PRDM11: variants seen among roughly 807,000 people sequenced by gnomAD.
The protein encoded by PRDM11 is PR/SET domain 11.
A neutral mutation model predicts 97.8 loss-of-function variants in PRDM11; 20 were observed. That is an observed-to-expected ratio of 0.20 (90% confidence interval 0.14 to 0.30). PRDM11 has a LOEUF of 0.30. Among genes scored for constraint, PRDM11 ranks in the 10% least tolerant of loss-of-function variants. PRDM11 has a pLI of 1.00. For missense variants in PRDM11, 1,139 were observed against 1,555.2 expected (o/e 0.73, Z 4.50); for synonymous variants, 599 against 637.7 (o/e 0.94, Z 0.91).
Position 45,219,749 on chromosome 11 carries a change from T to C in PRDM11, c.734T>C (p.Leu245Pro), listed in dbSNP as rs1463559602. 5 of 1,613,182 alleles carry C rather than the reference T, an allele frequency of 3.1e-6. No homozygotes were observed. Among genetic ancestry groups the C allele is most frequent in the Non-Finnish European group, 3.4e-6 (4 of 1,179,718 alleles). Residue 245 changes from leucine to proline, a missense_variant, in exon 6 of 8, where the codon CTG (leucine) becomes CCG (proline). Transcript: ENST00000683152. The surrounding 1 kb of genome is among the most constrained non-coding windows in gnomAD (Gnocchi z 4.2). ...SMSQETIHRN[L>P]ARGEKRLQRE... ...TCCCAGGAAACCATTCACCGCAACCTGGCCAGAGGTGAGTGCCATGCTCCA... is the reference window on the plus strand; with the variant it reads ...TCCCAGGAAACCATTCACCGCAACCCGGCCAGAGGTGAGTGCCATGCTCCA...
intron 1 of PRDM11, among the ~76,000 whole-genome samples, chr11:45,158,245 G>T (rs1437687199): frequency 6.6e-6 from 1 of 152,154 alleles, no homozygotes; most frequent in East Asian, 1.9e-4. Flanking sequence ...AGGTGTGCCT[G>T]GGCCTGCATG....
intron 1 of PRDM11, among the ~76,000 whole-genome samples, chr11:45,109,376 C>T (rs2135601954): frequency 6.6e-6 from 1 of 152,322 alleles, no homozygotes; most frequent in South Asian, 2.1e-4. Context: ...ATCACTCACT[C>T]TCCTTGACCC....
chr11:45,191,649 A>G (rs1338683763), intron 4 of PRDM11, among the ~76,000 whole-genome samples: 1 of 151,858 alleles, frequency 6.6e-6, no homozygotes, highest in Non-Finnish European at 1.5e-5. Flanking sequence ...TTATTTTAGC[A>G]CTTTTTCCTT....
intron 1 of PRDM11, among the ~76,000 whole-genome samples, chr11:45,110,059 A>G (rs2065149143): frequency 6.6e-6 from 1 of 152,078 alleles, no homozygotes; most frequent in Non-Finnish European, 1.5e-5. Flanking sequence ...AAACTCAGTG[A>G]CCCAAAGTGA....
At chr11:45,209,796 C>G (rs1853653798) in intron 5 of PRDM11, among the ~76,000 whole-genome samples, 1 of 152,088 alleles carries the variant, frequency 6.6e-6, no homozygotes, top group Non-Finnish European at 1.5e-5. Flanking sequence ...TGCATTTGAC[C>G]CTGCAGGTTA....
At chr11:45,182,398 C>G (rs1391312553) in intron 3 of PRDM11, 49 bp downstream of exon 3, 1 of 1,521,998 alleles carries the variant, frequency 6.6e-7, no homozygotes, top group Non-Finnish European at 9.1e-7. Flanking sequence ...ACCCCCATCG[C>G]CCCATTCCTG....
At chr11:45,099,041 G>A (rs1394846682) in intron 1 of PRDM11, among the ~76,000 whole-genome samples, 1 of 152,172 alleles carries the variant, frequency 6.6e-6, no homozygotes, top group Non-Finnish European at 1.5e-5. Context: ...CAGGAGGGAT[G>A]TCTAGCCAGA....
chr11:45,227,926 A>C lies in PRDM11; in HGVS notation c.3301A>C (p.Asn1101His). The C allele has an allele frequency of 2.6e-6, 4 of 1,533,822 alleles. No individual in the cohort carries two copies. The highest frequency in any genetic ancestry group is 3.5e-6 in the Non-Finnish European group (4 of 1,146,694). Residue 1101 changes from asparagine to histidine, a missense_variant, in exon 8 of 8, where the codon AAC becomes CAC. Physicochemically the swap from Asn to His is moderately conservative, Grantham distance 68. This residue lies in a region of PRDM11 where 710 missense variants were observed against 1,044.9 expected (regional missense o/e 0.68). Coordinates refer to ENST00000683152, the MANE Select transcript of PRDM11 (RefSeq NM_001384648.1). This position sits in a 1 kb window ranked among gnomAD's most constrained non-coding sequence, Gnocchi z 8.0. ...GRNALQRVRK[N>H]HRSRLTLEQL... Reference sequence around the variant, plus strand: ...CAATGCCCTCCAGCGAGTTCGCAAAAACCACCGCTCCCGCCTGACCCTGGA... The same window carrying C: ...CAATGCCCTCCAGCGAGTTCGCAAACACCACCGCTCCCGCCTGACCCTGGA...
chr11:45,118,868 A>T (rs570270273), intron 1 of PRDM11, among the ~76,000 whole-genome samples: 2 of 152,332 alleles, frequency 1.3e-5, no homozygotes, highest in East Asian at 3.9e-4. Flanking sequence ...TTAGGAAAGA[A>T]GAAAAAATGC....
intron 1 of PRDM11, among the ~76,000 whole-genome samples, chr11:45,122,497 C>T (rs867958749): frequency 6.9e-6 from 1 of 144,658 alleles, no homozygotes; most frequent in Non-Finnish European, 1.5e-5. Context: ...CCCCTCCCTC[C>T]ACCCCACAAC....
At chr11:45,159,143 C>T (rs1286148112) in intron 1 of PRDM11, among the ~76,000 whole-genome samples, 1 of 152,228 alleles carries the variant, frequency 6.6e-6, no homozygotes, top group Non-Finnish European at 1.5e-5. Context: ...CCCTGCCCTC[C>T]CTGAGCACCC....
intron 6 of PRDM11, among the ~76,000 whole-genome samples, chr11:45,220,530 C>T (rs1457785464): frequency 6.6e-6 from 1 of 152,210 alleles, no homozygotes. Context: ...CAAATGAATA[C>T]AGTGATTCAT....
chr11:45,218,006 G>A (rs1316865775), intron 5 of PRDM11, among the ~76,000 whole-genome samples: 2 of 152,150 alleles, frequency 1.3e-5, no homozygotes, highest in African/African-American at 2.4e-5. Context: ...TGGAACCATA[G>A]TCTACTTCCA....
chr11:45,207,093 C>T (rs921791171), intron 5 of PRDM11, among the ~76,000 whole-genome samples: 1 of 152,224 alleles, frequency 6.6e-6, no homozygotes, highest in African/African-American at 2.4e-5. Flanking sequence ...CTTATGACCA[C>T]TCAAAGAGCA....
At chr11:45,200,948 G>T (rs1158279302) in intron 4 of PRDM11, among the ~76,000 whole-genome samples, 1 of 152,174 alleles carries the variant, frequency 6.6e-6, no homozygotes, top group African/African-American at 2.4e-5. Context: ...CTATGCTCAT[G>T]TAAACATGCA....
Position 45,226,491 on chromosome 11 carries a change from G to A in PRDM11, c.1866G>A (p.Lys622=). ...LAELLRKCEL[K]VVDQYMNEGD... is the part of the protein sequence containing the mutation. The stretch of plus-strand genomic sequence containing the variant: ...AGCTGCTGAGGAAGTGTGAGCTCAA[G>A]GTGGTGGACCAGTACATGAATGAGG... Residue 622 remains lysine, a synonymous_variant, in exon 8 of 8, where the codon AAG becomes AAA. Coordinates refer to ENST00000683152, the MANE Select transcript of PRDM11 (RefSeq NM_001384648.1). 1 of 1,533,998 alleles carries A rather than the reference G, an allele frequency of 6.5e-7. No individual in the cohort carries two copies. The highest frequency in any genetic ancestry group is 8.7e-7 in the Non-Finnish European group (1 of 1,146,744).
chr11:45,097,207 C>T (rs561522928), intron 1 of PRDM11, among the ~76,000 whole-genome samples: 2 of 152,200 alleles, frequency 1.3e-5, no homozygotes, highest in African/African-American at 4.8e-5. Context: ...TTTGAAGATT[C>T]CCCTGCTCTC....
chr11:45,219,777 T>C lies in PRDM11; in HGVS notation c.742+20T>C. The stretch of plus-strand genomic sequence containing the variant: ...CCAGAGGTGAGTGCCATGCTCCACA[T>C]GAGCTGCGCCCACCTCTGAGCCCCA... On this transcript the variant is annotated intron_variant, in intron 6 of 7. Transcript: ENST00000683152. This position sits in a 1 kb window ranked among gnomAD's most constrained non-coding sequence, Gnocchi z 4.2. 1 of 1,605,432 alleles carries C rather than the reference T, an allele frequency of 6.2e-7. No individual in the cohort carries two copies. The highest frequency in any genetic ancestry group is 1.1e-5 in the South Asian group (1 of 90,348).
rs568434870 is a variant in PRDM11 at position 45,126,676 on chromosome 11, C to T, written c.96+30775C>T. ...GTTGAATATTGGCCCCCACTCTCTT[C>T]TGGCTTGTAGAGTTTCTGCCGAGAG... On this transcript the variant is annotated intron_variant, in intron 1 of 6. Transcript: ENST00000530656. Among the ~76,000 whole-genome samples, 71 of 152,332 alleles carry T rather than the reference C, an allele frequency of 4.7e-4. 1 individual carries two copies. The South Asian group carries it at 0.014, about 31-fold the overall frequency.
Sources: gnomAD v4.1 joint callset for allele counts (sites outside exome capture counted in the v4.1 genomes callset) on GRCh38, gnomAD v4.1.1 for gene constraint, gnomAD v4.1.1 regional missense constraint, Gnocchi (gnomAD v3.1) non-coding constraint, MANE v1.5 for transcripts, NCBI Gene and HGNC (gene_info 2026-07-23, HGNC 2026-07-21) for gene names.